Variants in CCNY observed in about 807,000 individuals in gnomAD.
The protein encoded by CCNY is cyclin-Y.
Under a neutral mutation model 42.8 loss-of-function variants are expected in CCNY, and 19 were observed. The observed-to-expected ratio is 0.44, with a 90% CI of 0.31 to 0.65. The LOEUF (loss-of-function observed/expected upper bound fraction) is 0.65. Ranked by LOEUF, CCNY falls within the 30% of genes least tolerant of loss-of-function variation. The pLI is 0.07. For missense variants in CCNY, 370 were observed against 437.3 expected (o/e 0.85, Z 1.37); for synonymous variants, 165 against 162.7 (o/e 1.01, Z -0.11).
chr10:35,310,987 C>CAAAACAAAA (rs2135085269), intron 3 of CCNY, among the ~76,000 whole-genome samples: 1 of 150,380 alleles, frequency 6.6e-6, no homozygotes, highest in Non-Finnish European at 1.5e-5. Flanking sequence ...CAAAACAAAA[C>CAAAACAAAA]AAAACAAAAC....
At chr10:35,459,735 C>T (rs1195301023) in intron 1 of CCNY, among the ~76,000 whole-genome samples, 1 of 152,206 alleles carries the variant, frequency 6.6e-6, no homozygotes. Flanking sequence ...ACTCTCATTG[C>T]ACCATCATGA....
At chr10:35,446,216 T>C (rs1330076919) in intron 1 of CCNY, among the ~76,000 whole-genome samples, 2 of 152,254 alleles carry the variant, frequency 1.3e-5, no homozygotes, top group South Asian at 4.1e-4. Context: ...TGATGGCTAT[T>C]TCAGCCTTTT....
At chr10:35,523,538 A>G (rs1299348177) in intron 4 of CCNY, among the ~76,000 whole-genome samples, 1 of 152,156 alleles carries the variant, frequency 6.6e-6, no homozygotes, top group Middle Eastern at 3.2e-3. Context: ...CTTCTGGGAT[A>G]TAACCTTGAG....
chr10:35,355,319 G>T (rs1176016337), intron 1 of CCNY, among the ~76,000 whole-genome samples: 6 of 152,116 alleles, frequency 3.9e-5, no homozygotes, highest in Admixed American at 1.3e-4. Context: ...CCCAAGCATA[G>T]TAGAGCTAAA....
At chr10:35,261,402 TA>T (rs1404791032) in intron 3 of CCNY, among the ~76,000 whole-genome samples, 3 of 151,956 alleles carry the variant, frequency 2.0e-5, no homozygotes, top group African/African-American at 4.8e-5. Context: ...CACTCTTGGC[TA>T]ATTTTTGTAT....
intron 3 of CCNY, among the ~76,000 whole-genome samples, chr10:35,294,191 CAAG>C (rs1835446100): frequency 6.6e-6 from 1 of 152,182 alleles, no homozygotes; most frequent in South Asian, 2.1e-4. Flanking sequence ...ATTCTAGATA[CAAG>C]ATCATTGCAT....
At chr10:35,500,645 G>T (rs1328355083) in intron 2 of CCNY, among the ~76,000 whole-genome samples, 1 of 152,184 alleles carries the variant, frequency 6.6e-6, no homozygotes, top group African/African-American at 2.4e-5. Flanking sequence ...TAAATGTGTT[G>T]ATGGATTCAT....
intron 1 of CCNY, among the ~76,000 whole-genome samples, chr10:35,352,952 G>C (rs377005866): frequency 2.0e-5 from 3 of 152,098 alleles, no homozygotes; most frequent in African/African-American, 7.2e-5. Flanking sequence ...TTGAGATAGG[G>C]TCTCACTCTG....
intron 4 of CCNY, among the ~76,000 whole-genome samples, chr10:35,521,087 T>G (rs1414656193): frequency 2.0e-5 from 3 of 152,232 alleles, no homozygotes; most frequent in Admixed American, 2.0e-4. Flanking sequence ...ACATTGCTAA[T>G]TTAGCTCTGG....
chr10:35,263,996 C>A (rs76284324), intron 3 of CCNY, among the ~76,000 whole-genome samples: 1 of 152,184 alleles, frequency 6.6e-6, no homozygotes, highest in African/African-American at 2.4e-5. Flanking sequence ...CATGTCCCCG[C>A]AAAGGACATG....
chr10:35,341,226 C>T lies in CCNY; in HGVS notation c.154+4019C>T, dbSNP rs867386455. 2.4e-4 allele frequency among the ~76,000 whole-genome samples: 36 copies of T among 152,322 alleles called. 2 individuals carry two copies. The South Asian group carries it at 3.1e-3, about 13-fold the overall frequency. On this transcript the variant is annotated intron_variant, in intron 1 of 9. Coordinates refer to ENST00000374704, the MANE Select transcript of CCNY (RefSeq NM_145012.6). ...GCCTCCTTCCTTGCCCTTCCTGGAA[C>T]ATACCAGACACAAACTTCCACCCCG...
chr10:35,530,040 T>C lies in CCNY; in HGVS notation c.459+10T>C. ...TCTTCACCCTCTTTCGGTAATCTCC[T>C]CCGTGTGTTTCATGAGATGATTTAA... On this transcript the variant is annotated intron_variant, in intron 6 of 9. Coordinates refer to ENST00000374704, the MANE Select transcript of CCNY (RefSeq NM_145012.6). This position sits in a 1 kb window ranked among gnomAD's most constrained non-coding sequence, Gnocchi z 4.3. The C allele has an allele frequency of 6.2e-7, 1 of 1,614,082 alleles. No individual in the cohort carries two copies. Among genetic ancestry groups the C allele is most frequent in the Non-Finnish European group, 8.5e-7 (1 of 1,179,910 alleles).
chr10:35,493,001 G>A (rs1402069281), intron 2 of CCNY, among the ~76,000 whole-genome samples: 1 of 152,052 alleles, frequency 6.6e-6, no homozygotes, highest in Non-Finnish European at 1.5e-5. Flanking sequence ...CATGGGGGGG[G>A]GAGGGCAGGT....
chr10:35,257,343 A>G (rs1282815750), intron 3 of CCNY, among the ~76,000 whole-genome samples: 2 of 130,750 alleles, frequency 1.5e-5, no homozygotes, highest in Non-Finnish European at 3.1e-5. Flanking sequence ...GGATCTCGCT[A>G]TGTTACTCAG....
intron 3 of CCNY, among the ~76,000 whole-genome samples, chr10:35,317,998 T>C (rs1835780809): frequency 6.6e-6 from 1 of 151,984 alleles, no homozygotes; most frequent in Non-Finnish European, 1.5e-5. Context: ...GAGGCTGAGG[T>C]GGGAGGACTG....
At chr10:35,454,336 G>C (rs1283388362) in intron 1 of CCNY, among the ~76,000 whole-genome samples, 2 of 152,212 alleles carry the variant, frequency 1.3e-5, no homozygotes. Flanking sequence ...AGAGGCACAT[G>C]ATCTGCAGGA....
At chr10:35,489,411 C>A (rs1435195312) in intron 2 of CCNY, among the ~76,000 whole-genome samples, 1 of 152,150 alleles carries the variant, frequency 6.6e-6, no homozygotes, top group East Asian at 1.9e-4. Flanking sequence ...TACCATTCTC[C>A]TGCCTCAGCC....
intron 3 of CCNY, among the ~76,000 whole-genome samples, chr10:35,264,918 C>T (rs112756514): frequency 2.6e-4 from 40 of 152,266 alleles, no homozygotes; most frequent in African/African-American, 4.1e-4. Flanking sequence ...CCTGAGCCAC[C>T]GCGCCCGGCC....
intron 5 of CCNY, among the ~76,000 whole-genome samples, chr10:35,527,979 C>T (rs1297060887): frequency 1.3e-5 from 2 of 152,150 alleles, no homozygotes; most frequent in African/African-American, 2.4e-5. Context: ...CGTCTTAGCT[C>T]GAGCTCTTAA....
Sources: allele counts gnomAD v4.1 joint callset (sites outside exome capture counted in the v4.1 genomes callset), GRCh38; gene constraint gnomAD v4.1.1; non-coding constraint Gnocchi (gnomAD v3.1); transcripts MANE v1.5; gene names NCBI Gene and HGNC (gene_info 2026-07-23, HGNC 2026-07-21).